The following ARHGAP8 variants were observed in gnomAD, a reference collection of about 807,000 sequenced individuals.
The protein encoded by ARHGAP8 is rho GTPase-activating protein 8.
ARHGAP8 carries 62 observed loss-of-function variants against 46.1 expected under a neutral mutation model. The ratio of observed to expected loss-of-function variants is 1.34; its 90% CI spans 1.10 to 1.66. The LOEUF (loss-of-function observed/expected upper bound fraction) is 1.66, where lower values mean the gene tolerates loss of function less well. ARHGAP8 is among the 40% of genes most tolerant of loss of function. ARHGAP8 has a pLI of 0.00. For missense variants in ARHGAP8, 923 were observed against 568.4 expected (o/e 1.62, Z -6.34); for synonymous variants, 375 against 243.1 (o/e 1.54, Z -5.05).
intron 1 of ARHGAP8, among the ~76,000 whole-genome samples, chr22:44,772,880 G>T (rs567289937): frequency 7.0e-6 from 1 of 143,146 alleles, no homozygotes; most frequent in Non-Finnish European, 1.5e-5. Flanking sequence ...GTGCCGTGGT[G>T]CAATCATGTC....
chr22:44,772,084 T>G (rs1926052732), intron 1 of ARHGAP8, among the ~76,000 whole-genome samples: 1 of 152,128 alleles, frequency 6.6e-6, no homozygotes, highest in Admixed American at 6.6e-5. Flanking sequence ...TCTTCTGTTC[T>G]TATTTTGCTA....
intron 6 of ARHGAP8, 88 bp downstream of exon 6, chr22:44,822,557 T>G: frequency 8.2e-7 from 1 of 1,219,408 alleles, no homozygotes; most frequent in Non-Finnish European, 1.1e-6. Context: ...GTTTAAGGCT[T>G]GATTTCCAAA....
chr22:44,768,368 G>T (rs993240349), intron 1 of ARHGAP8, among the ~76,000 whole-genome samples: 3 of 151,662 alleles, frequency 2.0e-5, no homozygotes, highest in Non-Finnish European at 2.9e-5. Flanking sequence ...GGCGCAATCA[G>T]CCTCAGCTGC....
intron 10 of ARHGAP8, among the ~76,000 whole-genome samples, chr22:44,855,441 A>C (rs2070196971): frequency 6.6e-6 from 1 of 152,190 alleles, no homozygotes; most frequent in African/African-American, 2.4e-5. Flanking sequence ...CTGGGATGAC[A>C]GGCATGAGCC....
At chr22:44,781,477 A>AT (rs1209624171) in intron 1 of ARHGAP8, among the ~76,000 whole-genome samples, 9 of 151,694 alleles carry the variant, frequency 5.9e-5, no homozygotes, top group Non-Finnish European at 1.0e-4. Context: ...GTACTGTAGC[A>AT]TTTTTTTCTT....
chr22:44,783,347 C>CA (rs1344570088), intron 1 of ARHGAP8, among the ~76,000 whole-genome samples: 2 of 151,968 alleles, frequency 1.3e-5, no homozygotes, highest in African/African-American at 2.4e-5. Flanking sequence ...CAGAGGCAGG[C>CA]GGGCAGTCCA....
rs4336043 is a variant in ARHGAP8, at chr22:44,859,496, G to A, written c.878-235G>A. ...ATGCTTGTACAGCCTGTAGAACCAT[G>A]AGCCAGTTAAACCTCTTTTCTTATA... On this transcript the variant is annotated intron_variant, in intron 10 of 11. Coordinates refer to ENST00000356099, the MANE Select transcript of ARHGAP8 (RefSeq NM_181335.3). Among the ~76,000 whole-genome samples the A allele has an allele frequency of 3.2e-3, 480 of 152,264 alleles. 12 individuals carry two copies. The East Asian group carries it at 0.055, about 18-fold the overall frequency.
At chr22:44,752,852 C>T (rs922791430) in intron 1 of ARHGAP8, 1 of 152,154 alleles carries the variant, frequency 6.6e-6, no homozygotes, top group Non-Finnish European at 1.5e-5. Flanking sequence ...CCTTCACCTC[C>T]TTTCTTTCCC....
At chr22:44,794,886 T>G (rs1278801250) in intron 2 of ARHGAP8, among the ~76,000 whole-genome samples, 1 of 151,598 alleles carries the variant, frequency 6.6e-6, no homozygotes, top group Non-Finnish European at 1.5e-5. Context: ...TAGAAATCTA[T>G]TGATATGAGC....
intron 7 of ARHGAP8, among the ~76,000 whole-genome samples, chr22:44,829,307 AAAG>A (rs1377638496): frequency 6.6e-6 from 1 of 151,686 alleles, no homozygotes; most frequent in African/African-American, 2.4e-5. Context: ...GAAAAAAAAA[AAAG>A]AAAAAGAAAA....
chr22:44,792,370 A>AG (rs1927756990), intron 2 of ARHGAP8, among the ~76,000 whole-genome samples: 1 of 152,158 alleles, frequency 6.6e-6, no homozygotes, highest in Admixed American at 6.6e-5. Context: ...CCCCTCACTG[A>AG]GGACTGTTCT....
At chr22:44,830,148 C>T (rs1930840122) in intron 7 of ARHGAP8, among the ~76,000 whole-genome samples, 1 of 151,092 alleles carries the variant, frequency 6.6e-6, no homozygotes, top group Non-Finnish European at 1.5e-5. Context: ...CTCAGCCTCC[C>T]GAGTAGCTGG....
intron 11 of ARHGAP8, among the ~76,000 whole-genome samples, chr22:44,860,422 C>T (rs144444885): frequency 6.6e-6 from 1 of 152,112 alleles, no homozygotes; most frequent in Non-Finnish European, 1.5e-5. Context: ...CCAGCTCCCC[C>T]CTGGCCTTTG....
chr22:44,816,803 C>CAAA (rs1183457228), intron 5 of ARHGAP8, among the ~76,000 whole-genome samples: 3,313 of 66,056 alleles, frequency 0.05, 125 homozygotes, highest in Middle Eastern at 0.13. Flanking sequence ...GACCCTGTCT[C>CAAA]AAAAAAAAAA....
intron 1 of ARHGAP8, among the ~76,000 whole-genome samples, chr22:44,780,011 C>G (rs1926728688): frequency 1.3e-5 from 2 of 152,124 alleles, no homozygotes; most frequent in African/African-American, 4.8e-5. Context: ...GGCTGGGACC[C>G]CAAGAGGTGG....
At chr22:44,769,851 C>T (rs189281495) in intron 1 of ARHGAP8, among the ~76,000 whole-genome samples, 17 of 152,292 alleles carry the variant, frequency 1.1e-4, no homozygotes, top group Admixed American at 1.0e-3. Flanking sequence ...GACTCAAATC[C>T]GTCTCCTTGA....
intron 1 of ARHGAP8, among the ~76,000 whole-genome samples, chr22:44,772,352 CTTTTT>C (rs58041776): frequency 1.1e-5 from 1 of 92,426 alleles, no homozygotes; most frequent in Non-Finnish European, 2.0e-5. Context: ...TTTCTTTTTT[CTTTTT>C]TTTTTTTTTT....
At position 44,769,942 on chromosome 22, in the gene ARHGAP8, G is replaced by C. The variant is rs145030177; in HGVS notation, c.-71-16515G>C. The stretch of plus-strand genomic sequence containing the variant: ...TGGGTGCTGTTGATTGGTTCAGGAT[G>C]CAGTCACAGGACTGTAGAAAATGAT... On this transcript the variant is annotated intron_variant, in intron 1 of 11. Coordinates refer to ENST00000356099, the MANE Select transcript of ARHGAP8 (RefSeq NM_181335.3). Among the ~76,000 whole-genome samples, 368 of 152,212 alleles carry C rather than the reference G, an allele frequency of 2.4e-3. 3 individuals are homozygous for C. The highest frequency in any genetic ancestry group is 0.017 in the Middle Eastern group (5 of 294).
In ARHGAP8 at chr22:44,827,488, G is replaced by A. The variant is rs556882945; in HGVS notation, c.596+1895G>A. Among the ~76,000 whole-genome samples the A allele has an allele frequency of 3.9e-5, 6 of 151,902 alleles. No homozygotes were observed. In the South Asian group the frequency reaches 1.0e-3, roughly 26 times the overall value. On this transcript the variant is annotated intron_variant, in intron 7 of 11. Coordinates refer to ENST00000356099, the MANE Select transcript of ARHGAP8 (RefSeq NM_181335.3). ...CTCCCAAGTAGCTGGGATTATAGGC[G>A]CCCACCGCCATGCCTGGCTAATGTT... is the stretch of plus-strand genomic sequence containing the variant.
Sources: gnomAD v4.1 joint callset for allele counts (sites outside exome capture counted in the v4.1 genomes callset) on GRCh38, gnomAD v4.1.1 for gene constraint, MANE v1.5 for transcripts, NCBI Gene and HGNC (gene_info 2026-07-23, HGNC 2026-07-21) for gene names.